The following ZNF251 variants were observed in gnomAD, a reference collection of about 807,000 sequenced individuals.
ZNF251 encodes zinc finger protein 251.
ZNF251 carries 14 observed loss-of-function variants against 13.5 expected under a neutral mutation model. The ratio of observed to expected loss-of-function variants is 1.04; its 90% CI spans 0.69 to 1.63. ZNF251 has a LOEUF of 1.63. ZNF251 is among the 40% of genes most tolerant of loss of function. The pLI, the probability that ZNF251 is intolerant of heterozygous loss-of-function variation, is 0.00. For missense variants in ZNF251, 764 were observed against 834.9 expected (o/e 0.92, Z 1.05); for synonymous variants, 287 against 295.2 (o/e 0.97, Z 0.28).
rs139872562 is a variant in ZNF251, at chr8:144,729,671, G to A, written c.278-6289C>T. Among the ~76,000 whole-genome samples, 5 of 152,098 alleles carry A rather than the reference G, an allele frequency of 3.3e-5. No individual in the cohort carries two copies. The South Asian group carries it at 6.2e-4, about 19-fold the overall frequency. On this transcript the variant is annotated intron_variant, in intron 4 of 4. Coordinates refer to ENST00000292562, the MANE Select transcript of ZNF251 (RefSeq NM_138367.2). ...TTTAAATGCCAGGGTCCTCCCTGAT[G>A]TCTCATATCAACGTAACTGCCCGCT...
intron 4 of ZNF251, among the ~76,000 whole-genome samples, chr8:144,726,087 C>T (rs978999737): frequency 3.3e-5 from 5 of 149,748 alleles, no homozygotes; most frequent in African/African-American, 4.9e-5. Context: ...GTCCTAGCTA[C>T]TCGGGAGTCT....
intron 4 of ZNF251, among the ~76,000 whole-genome samples, chr8:144,732,784 C>A (rs912493287): frequency 6.8e-6 from 1 of 146,664 alleles, no homozygotes; most frequent in Non-Finnish European, 1.5e-5. Context: ...TGCACTCCAG[C>A]CTGGGCGACA....
rs1017067020 is a variant in ZNF251, at chr8:144,734,393, T to C, written c.278-11011A>G. The stretch of plus-strand genomic sequence containing the variant: ...AATCCCTGGCACAAACCGGCTACGA[T>C]TGGTGGGCAAAAGCAAATGCCCTGA... On this transcript the variant is annotated intron_variant, in intron 4 of 4. Transcript: ENST00000292562. The surrounding 1 kb of genome is among the most constrained non-coding windows in gnomAD (Gnocchi z 4.4). 2.6e-5 allele frequency among the ~76,000 whole-genome samples: 4 copies of C among 152,084 alleles called. No homozygotes were observed. The highest frequency in any genetic ancestry group is 5.9e-5 in the Non-Finnish European group (4 of 67,988).
rs1229991182 is a variant in ZNF251 at position 144,721,916 on chromosome 8, T to C, written c.1744A>G (p.Thr582Ala). Reference protein sequence around the residue: ...GKAFSPTSRPTEDQIMHAGEK... With the variant: ...GKAFSPTSRPAEDQIMHAGEK... ...CCAGCATGCATTATCTGATCTTCAG[T>C]GGGTCGTGAGGTGGGACTGAAAGCT... The change falls in exon 5 of 5, where the codon ACT (threonine) becomes GCT (alanine). Residue 582 changes from threonine (T) to alanine (A), a missense_variant. By Grantham distance (58) the Thr-to-Ala change is moderately conservative. Coordinates refer to ENST00000292562, the MANE Select transcript of ZNF251 (RefSeq NM_138367.2). The C allele has an allele frequency of 3.0e-5, 46 of 1,508,762 alleles. No homozygotes were observed. In the East Asian group the frequency reaches 1.0e-3, roughly 34 times the overall value. The allele number at this position is 1,508,762 out of a possible 1,614,324, so 93.5% of individuals were successfully genotyped here.
At position 144,744,004 on chromosome 8, in the gene ZNF251, G is replaced by A. The variant is rs533582027; in HGVS notation, c.277+9679C>T. Among the ~76,000 whole-genome samples the A allele has an allele frequency of 2.9e-5, 4 of 138,688 alleles. No individual in the cohort carries two copies. In the South Asian group the frequency reaches 6.8e-4, roughly 24 times the overall value. The allele number at this position is 138,688 out of a possible 152,430, so 91.0% of individuals were successfully genotyped here. A position where few individuals can be genotyped will look rare whatever the true frequency, so the allele number is the denominator to read the frequency against. On this transcript the variant is annotated intron_variant, in intron 4 of 4. Transcript: ENST00000292562. ...TCTATGGACTGTTTCTCATTCTCTC[G>A]TTGTCTTTTTTTTTTTTTTTTTTTT...
chr8:144,729,792 T>A (rs1823639670), intron 4 of ZNF251, among the ~76,000 whole-genome samples: 1 of 152,064 alleles, frequency 6.6e-6, no homozygotes, highest in African/African-American at 2.4e-5. Context: ...GCCCACGAGG[T>A]GGAGGCTGCA....
At chr8:144,750,852 T>TC (rs1190357123) in intron 4 of ZNF251, among the ~76,000 whole-genome samples, 2 of 151,576 alleles carry the variant, frequency 1.3e-5, no homozygotes, top group Non-Finnish European at 2.9e-5. Context: ...CAGAGTTTTT[T>TC]TTTTTTCTTT....
chr8:144,754,251 TG>T lies in ZNF251; in HGVS notation c.103del (p.Gln35SerfsTer9), dbSNP rs761651694. ...SQAEGRQLGP[Q>X]QRALYRDVML... ...CACATCCCGGTAGAGCGCCCGCTGC[TG>T]GGGGCCCAGCTGCCGCCCCTCCGCC... On this transcript the variant is annotated frameshift_variant, in exon 3 of 5. Coordinates refer to ENST00000292562, the MANE Select transcript of ZNF251 (RefSeq NM_138367.2). LOFTEE classifies it high-confidence loss of function. The T allele has an allele frequency of 6.2e-7, 1 of 1,613,916 alleles. No homozygotes were observed. The highest frequency in any genetic ancestry group is 8.5e-7 in the Non-Finnish European group (1 of 1,179,932).
intron 4 of ZNF251, among the ~76,000 whole-genome samples, chr8:144,742,811 C>T (rs932264844): frequency 5.9e-5 from 9 of 152,294 alleles, no homozygotes; most frequent in Admixed American, 2.6e-4. Flanking sequence ...GAGACCCCCA[C>T]GTATACCCAA....
At chr8:144,747,044 G>A (rs978036841) in intron 4 of ZNF251, among the ~76,000 whole-genome samples, 1 of 152,104 alleles carries the variant, frequency 6.6e-6, no homozygotes, top group African/African-American at 2.4e-5. Context: ...TTCCTAGAGT[G>A]AAAGCTTACA....
At chr8:144,737,773 A>G (rs528493358) in intron 4 of ZNF251, among the ~76,000 whole-genome samples, 2 of 138,786 alleles carry the variant, frequency 1.4e-5, no homozygotes, top group South Asian at 2.6e-4. Flanking sequence ...CAGAGCTTGC[A>G]GTGAGCCGAG....
Position 144,721,929 on chromosome 8 carries a change from G to A in ZNF251, c.1731C>T (p.Pro577=). The A allele has an allele frequency of 6.6e-7, 1 of 1,515,130 alleles. No homozygotes were observed. Among genetic ancestry groups the A allele is most frequent in the Non-Finnish European group, 8.8e-7 (1 of 1,131,350 alleles). 93.9% of individuals were successfully genotyped at this position (1,515,130 alleles called of 1,614,324 possible). Residue 577 remains proline (P), a synonymous_variant, in exon 5 of 5, where the codon CCC becomes CCT. Transcript: ENST00000292562. ...GCNEYGKAFS[P]TSRPTEDQIM... ...TCTGATCTTCAGTGGGTCGTGAGGT[G>A]GGACTGAAAGCTTTTCCATATTCAT...
chr8:144,727,607 A>G (rs1276791729), intron 4 of ZNF251, among the ~76,000 whole-genome samples: 1 of 152,066 alleles, frequency 6.6e-6, no homozygotes, highest in Non-Finnish European at 1.5e-5. Flanking sequence ...TACCCCTCTC[A>G]GCTTTCGCAT....
intron 4 of ZNF251, among the ~76,000 whole-genome samples, chr8:144,731,947 C>CTTTTTTTTTT (rs1563758169): frequency 1.5e-5 from 2 of 136,626 alleles, no homozygotes; most frequent in African/African-American, 6.1e-5. Context: ...CTGACAGCTG[C>CTTTTTTTTTT]ATTTTTTTTT....
At position 144,754,289 on chromosome 8, in the gene ZNF251, C is replaced by G. The variant is rs757311760; in HGVS notation, c.66G>C (p.Val22=). Residue 22 remains valine, a synonymous_variant, in exon 3 of 5, where the codon GTG becomes GTC. Coordinates refer to ENST00000292562, the MANE Select transcript of ZNF251 (RefSeq NM_138367.2). ...GCCGCCCCTCCGCCTGAGAGAAGTA[C>G]ACGGCCACATCCTGGAAGGTCAGCG... is the stretch of plus-strand genomic sequence containing the variant. ...EMPLTFQDVA[V]YFSQAEGRQL... 2.5e-6 allele frequency: 4 copies of G among 1,612,726 alleles called. 1 individual carries two copies. In the South Asian group the frequency reaches 4.4e-5, roughly 18 times the overall value.
intron 4 of ZNF251, among the ~76,000 whole-genome samples, chr8:144,751,866 A>G (rs192070728): frequency 6.6e-6 from 1 of 152,124 alleles, no homozygotes; most frequent in Non-Finnish European, 1.5e-5. Context: ...ATGAAAGAAG[A>G]TATACTATGC....
chr8:144,754,642 T>C, intron 2 of ZNF251, 54 bp downstream of exon 2: 1 of 1,568,690 alleles, frequency 6.4e-7, no homozygotes, highest in Non-Finnish European at 8.6e-7. Flanking sequence ...GAGTAGCTTC[T>C]GACTGGGATG....
At chr8:144,726,741 G>C (rs1008380937) in intron 4 of ZNF251, among the ~76,000 whole-genome samples, 11 of 150,504 alleles carry the variant, frequency 7.3e-5, no homozygotes, top group African/African-American at 2.7e-4. Context: ...GCGGTGGCAG[G>C]TGCCTGTAGT....
chr8:144,754,651 T>C, intron 2 of ZNF251, 45 bp downstream of exon 2: 4 of 1,580,520 alleles, frequency 2.5e-6, no homozygotes, highest in Non-Finnish European at 3.4e-6. Context: ...CTGACTGGGA[T>C]GGGGATGAAG....
Sources: gnomAD v4.1 joint callset for allele counts (sites outside exome capture counted in the v4.1 genomes callset) on GRCh38, gnomAD v4.1.1 for gene constraint, Gnocchi (gnomAD v3.1) non-coding constraint, MANE v1.5 for transcripts, NCBI Gene and HGNC (gene_info 2026-07-23, HGNC 2026-07-21) for gene names.